The following SLC24A3 variants were observed in gnomAD, a reference collection of about 807,000 sequenced individuals.
The protein encoded by SLC24A3 is sodium/potassium/calcium exchanger 3.
Under a neutral mutation model 75.8 loss-of-function variants are expected in SLC24A3, and 28 were observed. The observed-to-expected ratio is 0.37, with a 90% CI of 0.27 to 0.51. The LOEUF (loss-of-function observed/expected upper bound fraction) is 0.51. SLC24A3 is among the 20% of genes least tolerant of loss of function. SLC24A3 has a pLI of 0.94. For synonymous variants in SLC24A3, 372 were observed against 334.1 expected (o/e 1.11, Z -1.24); for missense variants, 663 against 847.8 (o/e 0.78, Z 2.71).
intron 1 of SLC24A3, among the ~76,000 whole-genome samples, chr20:19,222,783 C>CCCTCCCTCCCTT (rs759160442): frequency 2.0e-4 from 15 of 75,862 alleles, no homozygotes; most frequent in Non-Finnish European, 3.7e-4. Flanking sequence ...TCCCCTCCCT[C>CCCTCCCTCCCTT]CCTTCCTTCC....
chr20:19,213,096 G>T (rs1182607354), intron 1 of SLC24A3, 112 bp downstream of exon 1: 4 of 1,118,662 alleles, frequency 3.6e-6, no homozygotes, highest in South Asian at 4.4e-5. Context: ...CAGGATAAGC[G>T]GGCTGGGTTG....
chr20:19,694,793 C>T (rs1388938392), intron 13 of SLC24A3: 1 of 152,244 alleles, frequency 6.6e-6, no homozygotes, highest in Admixed American at 6.5e-5. Context: ...TAGGAGAAGC[C>T]GGAGACCTGG....
intron 16 of SLC24A3, among the ~76,000 whole-genome samples, chr20:19,719,884 A>G (rs1032455988): frequency 6.6e-6 from 1 of 152,160 alleles, no homozygotes; most frequent in African/African-American, 2.4e-5. Context: ...GTGGAATTGA[A>G]TCAGAGGAAG....
At chr20:19,475,275 C>G (rs1447912937) in intron 2 of SLC24A3, among the ~76,000 whole-genome samples, 1 of 151,572 alleles carries the variant, frequency 6.6e-6, no homozygotes, top group Non-Finnish European at 1.5e-5. Flanking sequence ...GGAGGTGGAG[C>G]TTGCAGTGAG....
At chr20:19,666,557 C>T (rs1231838663) in intron 8 of SLC24A3, among the ~76,000 whole-genome samples, 1 of 152,118 alleles carries the variant, frequency 6.6e-6, no homozygotes, top group Admixed American at 6.6e-5. Flanking sequence ...GTTCCCAATC[C>T]CACGTTTATC....
chr20:19,484,358 C>A (rs894596717), intron 2 of SLC24A3, among the ~76,000 whole-genome samples: 1 of 152,078 alleles, frequency 6.6e-6, no homozygotes, highest in Non-Finnish European at 1.5e-5. Flanking sequence ...ATTTTGACTG[C>A]GACCTGTCAC....
intron 15 of SLC24A3, among the ~76,000 whole-genome samples, chr20:19,713,470 T>C (rs1321351): frequency 0.75 from 113,850 of 152,098 alleles, 42,889 homozygotes; most frequent in East Asian, 0.96. Flanking sequence ...GACCAGTCCC[T>C]GCTGCCCCAC....
chr20:19,553,334 C>G (rs1342842515), intron 3 of SLC24A3, among the ~76,000 whole-genome samples: 2 of 152,078 alleles, frequency 1.3e-5, no homozygotes, highest in Non-Finnish European at 2.9e-5. Context: ...TCACAGGACA[C>G]TTAAAAACCA....
chr20:19,457,397 T>C (rs1170652605), intron 2 of SLC24A3, among the ~76,000 whole-genome samples: 1 of 152,222 alleles, frequency 6.6e-6, no homozygotes, highest in African/African-American at 2.4e-5. Context: ...AAATTCAGAC[T>C]AAAACAAAAA....
chr20:19,441,775 T>C (rs1987303196), intron 2 of SLC24A3, among the ~76,000 whole-genome samples: 1 of 152,226 alleles, frequency 6.6e-6, no homozygotes, highest in South Asian at 2.1e-4. Flanking sequence ...CCATCATTAC[T>C]GTATCCTACA....
At chr20:19,505,994 T>G (rs745416948) in intron 2 of SLC24A3, among the ~76,000 whole-genome samples, 17 of 152,202 alleles carry the variant, frequency 1.1e-4, no homozygotes, top group Non-Finnish European at 1.9e-4. Flanking sequence ...TTGCCCAATT[T>G]TAGGTATTGC....
chr20:19,450,460 G>T (rs1051164903), intron 2 of SLC24A3, among the ~76,000 whole-genome samples: 4 of 152,106 alleles, frequency 2.6e-5, no homozygotes, highest in Admixed American at 6.5e-5. Flanking sequence ...GGTTGGAGGG[G>T]TGTGGGCAGA....
chr20:19,417,362 A>T (rs1033938920), intron 2 of SLC24A3, among the ~76,000 whole-genome samples: 4 of 152,178 alleles, frequency 2.6e-5, no homozygotes, highest in Non-Finnish European at 5.9e-5. Context: ...ATAATAACAT[A>T]AAAAAAGTCA....
intron 6 of SLC24A3, among the ~76,000 whole-genome samples, chr20:19,610,776 T>C (rs943661517): frequency 6.6e-6 from 1 of 152,166 alleles, no homozygotes; most frequent in Non-Finnish European, 1.5e-5. Context: ...GTCAGAGAGC[T>C]GGAATATTTG....
chr20:19,230,196 T>C lies in SLC24A3; in HGVS notation c.142+17212T>C, dbSNP rs1420085586. On this transcript the variant is annotated intron_variant, in intron 1 of 16. Transcript: ENST00000328041. ...CCTGTGAACAGACCCTCCTGTCCCT[T>C]CAGCGCCCTCACCACTCTCACCTGG... is the stretch of plus-strand genomic sequence containing the variant. 2.6e-5 allele frequency among the ~76,000 whole-genome samples: 4 copies of C among 152,226 alleles called. No individual in the cohort carries two copies. In the East Asian group the frequency reaches 5.8e-4, roughly 22 times the overall value.
intron 8 of SLC24A3, 63 bp from the exon 9 acceptor site, chr20:19,673,538 A>G (rs140549721): frequency 1.4e-6 from 2 of 1,422,096 alleles, no homozygotes; most frequent in East Asian, 2.3e-5. Context: ...GTCTTTAAAA[A>G]TGAGGCAGGT....
chr20:19,638,399 A>AAC (rs1568681456), intron 6 of SLC24A3, among the ~76,000 whole-genome samples: 1 of 152,234 alleles, frequency 6.6e-6, no homozygotes, highest in Non-Finnish European at 1.5e-5. Context: ...TTTCATTATC[A>AAC]ACCCTTAAGT....
At chr20:19,502,103 C>G (rs1214190473) in intron 2 of SLC24A3, among the ~76,000 whole-genome samples, 2 of 152,050 alleles carry the variant, frequency 1.3e-5, no homozygotes, top group African/African-American at 4.8e-5. Context: ...AGAGCCATAG[C>G]AGTTAGCTTT....
At chr20:19,515,037 AG>A (rs1255821253) in intron 2 of SLC24A3, among the ~76,000 whole-genome samples, 1 of 152,240 alleles carries the variant, frequency 6.6e-6, no homozygotes, top group Non-Finnish European at 1.5e-5. Context: ...CGCTCAGAAA[AG>A]CAGTTTTCAA....
Sources: gnomAD v4.1 joint callset for allele counts (sites outside exome capture counted in the v4.1 genomes callset) on GRCh38, gnomAD v4.1.1 for gene constraint, MANE v1.5 for transcripts, NCBI Gene and HGNC (gene_info 2026-07-23, HGNC 2026-07-21) for gene names.